Variants in PAFAH1B2 observed in about 807,000 individuals in gnomAD.
PAFAH1B2 encodes the protein platelet-activating factor acetylhydrolase IB subunit alpha2.
A neutral mutation model predicts 28.0 loss-of-function variants in PAFAH1B2; 8 were observed. That is an observed-to-expected ratio of 0.29 (90% CI 0.17 to 0.52). The LOEUF is 0.52. PAFAH1B2 is among the 20% of genes least tolerant of loss of function. The probability of loss-of-function intolerance (pLI) is 0.97; values close to 1 mark genes in which losing one functional copy is unlikely to be tolerated. For synonymous variants in PAFAH1B2, 104 were observed against 103.2 expected, an observed-to-expected ratio of 1.01 and a Z score of -0.05; for missense variants, 190 against 282.6, an observed-to-expected ratio of 0.67 and a Z score of 2.35.
chr11:117,160,335 A>G (rs1189571217), intron 3 of PAFAH1B2, among the ~76,000 whole-genome samples: 2 of 152,002 alleles, frequency 1.3e-5, no homozygotes, highest in Non-Finnish European at 2.9e-5. Context: ...AGTATTTCCT[A>G]TTTGTATTTG....
At chr11:117,171,183 G>GCTGA (rs1413369780), downstream of PAFAH1B2, 18 of 531,826 alleles carry the variant, frequency 3.4e-5, no homozygotes, top group Non-Finnish European at 4.4e-5. Flanking sequence ...AATGCACCAG[G>GCTGA]CTGACTCATC....
At position 117,170,749 on chromosome 11, in the gene PAFAH1B2, C is replaced by T. The variant is rs1380624549; in HGVS notation, c.*3050C>T. The T allele has an allele frequency of 2.8e-6, 3 of 1,057,752 alleles. No individual in the cohort carries two copies. The highest frequency in any genetic ancestry group is 3.3e-5 in the African/African-American group (2 of 60,368). 65.5% of individuals were successfully genotyped at this position (1,057,752 alleles called of 1,614,324 possible). A position where few individuals can be genotyped will look rare whatever the true frequency, so the allele number is the denominator to read the frequency against. ...TGCTGTGGTGTATGAGCATTGCCAA[C>T]TTTATATTTATTGCAGTGAAGAAGA... On this transcript the variant is annotated 3_prime_UTR_variant, in exon 6 of 6. Coordinates refer to ENST00000527958, the MANE Select transcript of PAFAH1B2 (RefSeq NM_002572.4).
At chr11:117,154,035 G>A (rs1956212063) in intron 2 of PAFAH1B2, among the ~76,000 whole-genome samples, 1 of 151,258 alleles carries the variant, frequency 6.6e-6, no homozygotes, top group Non-Finnish European at 1.5e-5. Context: ...GATCACTTGA[G>A]CCCAGGATAT....
At chr11:117,146,767 A>C (rs569788253) in intron 1 of PAFAH1B2, among the ~76,000 whole-genome samples, 1 of 151,780 alleles carries the variant, frequency 6.6e-6, no homozygotes, top group East Asian at 1.9e-4. Context: ...TTGGGAGGCC[A>C]AGGCAGCAGG....
chr11:117,153,070 A>T (rs1263423008), intron 2 of PAFAH1B2, among the ~76,000 whole-genome samples: 1 of 152,214 alleles, frequency 6.6e-6, no homozygotes, highest in African/African-American at 2.4e-5. Flanking sequence ...ATCTCAAAAC[A>T]AACAAAAAAC....
chr11:117,168,316 A>G lies in PAFAH1B2; in HGVS notation c.*617A>G. The stretch of plus-strand genomic sequence containing the variant: ...AGTGAAAAACAGGTTTTGCCCCAGT[A>G]GAGGGATTCTTTGGAGGGTATTATT... On this transcript the variant is annotated 3_prime_UTR_variant, in exon 6 of 6. Coordinates refer to ENST00000527958, the MANE Select transcript of PAFAH1B2 (RefSeq NM_002572.4). 5 of 1,064,152 alleles carry G rather than the reference A, an allele frequency of 4.7e-6. No individual in the cohort carries two copies. Among genetic ancestry groups the G allele is most frequent in the Non-Finnish European group, 5.7e-6 (5 of 878,550 alleles). The allele number at this position is 1,064,152 out of a possible 1,614,324, so 65.9% of individuals were successfully genotyped here.
At chr11:117,147,493 C>T (rs1361958107) in intron 1 of PAFAH1B2, among the ~76,000 whole-genome samples, 1 of 152,144 alleles carries the variant, frequency 6.6e-6, no homozygotes, top group East Asian at 1.9e-4. Flanking sequence ...ACACTGTACC[C>T]AGCCACAACA....
chr11:117,176,874 CA>C (rs752743062), downstream of PAFAH1B2: 4,674 of 53,332 alleles, frequency 0.088, 51 homozygotes, highest in South Asian at 0.18. Context: ...GACTCCATCT[CA>C]AAAAAAAAAA....
At chr11:117,167,269 G>T in intron 5 of PAFAH1B2, 152 bp from the exon 6 acceptor site, 1 of 788,954 alleles carries the variant, frequency 1.3e-6, no homozygotes, top group Non-Finnish European at 1.9e-6. Context: ...GAAATGGTTA[G>T]CTTTCATTCA....
Position 117,169,546 on chromosome 11 carries a change from G to T in PAFAH1B2, c.*1847G>T. ...ATTTCTGATTGAGGGATGAACCTTG[G>T]GCTCATTTTTTTCTTGTGAAGTCTC... On this transcript the variant is annotated 3_prime_UTR_variant, in exon 6 of 6. Coordinates refer to ENST00000527958, the MANE Select transcript of PAFAH1B2 (RefSeq NM_002572.4). 9.5e-7 allele frequency: 1 copy of T among 1,055,636 alleles called. No individual in the cohort carries two copies. Among genetic ancestry groups the T allele is most frequent in the Non-Finnish European group, 1.1e-6 (1 of 873,416 alleles). The allele number at this position is 1,055,636 out of a possible 1,614,324, so 65.4% of individuals were successfully genotyped here.
chr11:117,144,830 C>T (rs575655875), intron 1 of PAFAH1B2, among the ~76,000 whole-genome samples: 11 of 152,116 alleles, frequency 7.2e-5, no homozygotes, highest in Non-Finnish European at 1.3e-4. Context: ...GCTGCAGCTC[C>T]TGCCCGGGTC....
intron 2 of PAFAH1B2, among the ~76,000 whole-genome samples, chr11:117,157,844 A>T (rs894492958): frequency 6.6e-6 from 1 of 152,146 alleles, no homozygotes; most frequent in East Asian, 1.9e-4. Context: ...GATGAATATA[A>T]AAGTTTAAAC....
Position 117,169,543 on chromosome 11 carries a change from T to A in PAFAH1B2, c.*1844T>A. 6 of 1,055,822 alleles carry A rather than the reference T, an allele frequency of 5.7e-6. No homozygotes were observed. Among genetic ancestry groups the A allele is most frequent in the Non-Finnish European group, 6.9e-6 (6 of 873,322 alleles). The allele number at this position is 1,055,822 out of a possible 1,614,324, so 65.4% of individuals were successfully genotyped here. On this transcript the variant is annotated 3_prime_UTR_variant, in exon 6 of 6. Coordinates refer to ENST00000527958, the MANE Select transcript of PAFAH1B2 (RefSeq NM_002572.4). ...CCGATTTCTGATTGAGGGATGAACC[T>A]TGGGCTCATTTTTTTCTTGTGAAGT...
chr11:117,144,450 G>C (rs758875576), intron 1 of PAFAH1B2, 32 bp downstream of exon 1: 3 of 284,342 alleles, frequency 1.1e-5, no homozygotes. Flanking sequence ...GGGAACCGGT[G>C]GCTTAGAGGC....
At chr11:117,149,256 AT>A (rs71037463) in intron 1 of PAFAH1B2, among the ~76,000 whole-genome samples, 129,410 of 150,586 alleles carry the variant, frequency 0.86, 56,241 homozygotes, top group African/African-American at 0.9. Flanking sequence ...AATTTCTTCA[AT>A]TTTTTTGTAG....
exon 6 of PAFAH1B2, chr11:117,176,292 A>C: frequency 5.8e-6 from 2 of 342,040 alleles, no homozygotes; most frequent in Admixed American, 4.6e-5. Context: ...GTGCTTGGAC[A>C]GGGGCCAAAA....
rs1444451191 is a variant in PAFAH1B2, at chr11:117,168,356, A to G, written c.*657A>G. The G allele has an allele frequency of 3.3e-5, 35 of 1,060,814 alleles. No homozygotes were observed. The highest frequency in any genetic ancestry group is 4.2e-4 in the Middle Eastern group (1 of 2,396). The allele number at this position is 1,060,814 out of a possible 1,614,324, so 65.7% of individuals were successfully genotyped here. ...AGGGTATTATTTTTTATGCTGCTGA[A>G]TATCATGTCTATAATAGACCCGTGC... On this transcript the variant is annotated 3_prime_UTR_variant, in exon 6 of 6. Transcript: ENST00000527958.
rs1159744617 is a variant in PAFAH1B2, at chr11:117,170,557, T to A, written c.*2858T>A. ...CATCTGCCTAAACCAGAATCTTTTGTCAGAAACCTTAACCCAACAAAACAA... is the reference window on the plus strand; with the variant it reads ...CATCTGCCTAAACCAGAATCTTTTGACAGAAACCTTAACCCAACAAAACAA... On this transcript the variant is annotated 3_prime_UTR_variant, in exon 6 of 6. Coordinates refer to ENST00000527958, the MANE Select transcript of PAFAH1B2 (RefSeq NM_002572.4). 9.5e-6 allele frequency: 10 copies of A among 1,054,266 alleles called. No homozygotes were observed. In the African/African-American group the frequency reaches 1.5e-4, roughly 16 times the overall value. The allele number at this position is 1,054,266 out of a possible 1,614,324, so 65.3% of individuals were successfully genotyped here.
Position 117,167,231 on chromosome 11 carries a change from G to T in PAFAH1B2, c.412-190G>T, listed in dbSNP as rs140471733. 2.0e-5 allele frequency among the ~76,000 whole-genome samples: 3 copies of T among 152,262 alleles called. No homozygotes were observed. In the East Asian group the frequency reaches 5.8e-4, roughly 29 times the overall value. Reference sequence around the variant, plus strand: ...GAATACCAACAGTTAAGGGACAGGAGGAAGGGAACCCATGAAAAAACTAAG... The same window carrying T: ...GAATACCAACAGTTAAGGGACAGGATGAAGGGAACCCATGAAAAAACTAAG... On this transcript the variant is annotated intron_variant, in intron 5 of 5. Coordinates refer to ENST00000527958, the MANE Select transcript of PAFAH1B2 (RefSeq NM_002572.4).
Sources: allele counts gnomAD v4.1 joint callset (sites outside exome capture counted in the v4.1 genomes callset), GRCh38; gene constraint gnomAD v4.1.1; transcripts MANE v1.5; gene names NCBI Gene and HGNC (gene_info 2026-07-23, HGNC 2026-07-21).